TJP1: variants seen among roughly 807,000 people sequenced by gnomAD.
The protein encoded by TJP1 is tight junction protein 1, also known as tight junction protein ZO-1.
Under a neutral mutation model 194.2 loss-of-function variants are expected in TJP1, and 43 were observed. The ratio of observed to expected loss-of-function variants is 0.22; its 90% CI spans 0.17 to 0.29. TJP1 has a LOEUF of 0.29. Ranked by LOEUF, TJP1 falls within the 10% of genes least tolerant of loss-of-function variation. The probability of loss-of-function intolerance (pLI) is 1.00; values close to 1 mark genes in which losing one functional copy is unlikely to be tolerated. For missense variants in TJP1, 1,971 were observed against 2,185.7 expected (o/e 0.90, Z 1.96); for synonymous variants, 801 against 779.0 (o/e 1.03, Z -0.47).
At chr15:29,957,012 A>T (rs540688365) in intron 1 of TJP1, among the ~76,000 whole-genome samples, 1 of 152,312 alleles carries the variant, frequency 6.6e-6, no homozygotes, top group East Asian at 1.9e-4. Flanking sequence ...GCAGTTATTT[A>T]TTCAACACTC....
chr15:29,829,651 AAG>A (rs1320749695), intron 2 of TJP1, among the ~76,000 whole-genome samples: 1 of 151,728 alleles, frequency 6.6e-6, no homozygotes, highest in African/African-American at 2.4e-5. Flanking sequence ...AAAAAAAAAA[AAG>A]ATTTCTTAAA....
chr15:29,879,146 A>T (rs28436762), intron 2 of TJP1, among the ~76,000 whole-genome samples: 122 of 152,196 alleles, frequency 8.0e-4, no homozygotes, highest in African/African-American at 2.6e-3. Context: ...ATAAAAAAAT[A>T]AAAAAAATTA....
intron 8 of TJP1, among the ~76,000 whole-genome samples, chr15:29,748,935 T>TGTGTGTGTGTGTGTGTGTGC (rs2045022365): frequency 2.8e-5 from 1 of 35,862 alleles, no homozygotes; most frequent in Admixed American, 4.2e-4. Context: ...TGTGTGTGTG[T>TGTGTGTGTGTGTGTGTGTGC]GTGTGTGTGT....
intron 23 of TJP1, among the ~76,000 whole-genome samples, chr15:29,715,128 T>C (rs2151083076): frequency 6.6e-6 from 1 of 152,270 alleles, no homozygotes; most frequent in South Asian, 2.1e-4. Context: ...TAATGACAAA[T>C]CCACATCTGT....
intron 2 of TJP1, among the ~76,000 whole-genome samples, chr15:29,832,701 T>C (rs2050875250): frequency 6.6e-6 from 1 of 152,218 alleles, no homozygotes; most frequent in African/African-American, 2.4e-5. Context: ...TATGAAGTAC[T>C]ATCAAACCAA....
At chr15:29,740,128 T>C (rs1056004148) in intron 10 of TJP1, among the ~76,000 whole-genome samples, 22 of 151,784 alleles carry the variant, frequency 1.4e-4, no homozygotes, top group East Asian at 3.9e-4. Flanking sequence ...GCTGGGACTA[T>C]AGGCGCCCAG....
intron 2 of TJP1, among the ~76,000 whole-genome samples, chr15:29,845,670 T>C (rs2051379823): frequency 6.6e-6 from 1 of 151,820 alleles, no homozygotes; most frequent in South Asian, 2.1e-4. Context: ...CCGGGCGTGG[T>C]GGCAGGCGCC....
chr15:29,750,301 C>A (rs1279771200), intron 8 of TJP1, among the ~76,000 whole-genome samples: 1 of 152,038 alleles, frequency 6.6e-6, no homozygotes, highest in Non-Finnish European at 1.5e-5. Context: ...CCACGCCCGG[C>A]CTAATTTTTT....
chr15:29,717,761 GTTTA>G (rs1260095617), intron 22 of TJP1, among the ~76,000 whole-genome samples: 1 of 152,124 alleles, frequency 6.6e-6, no homozygotes, highest in Non-Finnish European at 1.5e-5. Context: ...GCTTAAAAAT[GTTTA>G]TTTAATCATC....
At chr15:29,800,507 A>T (rs1158077053) in intron 2 of TJP1, 139 bp downstream of exon 2, 6 of 728,586 alleles carry the variant, frequency 8.2e-6, no homozygotes, top group Non-Finnish European at 1.4e-5. Flanking sequence ...AAATTATTGT[A>T]ACTCTAATTT....
chr15:29,807,187 G>A (rs2049166830), intron 1 of TJP1, among the ~76,000 whole-genome samples: 1 of 152,250 alleles, frequency 6.6e-6, no homozygotes, highest in East Asian at 1.9e-4. Flanking sequence ...ATATTAGTCG[G>A]AAAGACAGAC....
intron 2 of TJP1, among the ~76,000 whole-genome samples, chr15:29,869,795 C>T (rs28613043): frequency 0.033 from 1,895 of 56,610 alleles, 147 homozygotes; most frequent in Non-Finnish European, 0.048. Context: ...TTCTTTCTTT[C>T]TTTTTTTTTT....
intron 2 of TJP1, among the ~76,000 whole-genome samples, chr15:29,914,980 C>T (rs912562840): frequency 6.6e-6 from 1 of 152,038 alleles, no homozygotes; most frequent in African/African-American, 2.4e-5. Flanking sequence ...TACATATTAC[C>T]GTAACCAACA....
intron 1 of TJP1, among the ~76,000 whole-genome samples, chr15:29,966,219 T>C (rs1254510434): frequency 6.6e-6 from 1 of 152,158 alleles, no homozygotes; most frequent in Admixed American, 6.6e-5. Context: ...ATTTTTAAAC[T>C]GGCCCGCGCG....
intron 2 of TJP1, among the ~76,000 whole-genome samples, chr15:29,870,047 G>A (rs184212900): frequency 1.3e-5 from 2 of 151,656 alleles, no homozygotes; most frequent in East Asian, 1.9e-4. Flanking sequence ...GACTGGTCTC[G>A]AACTCCTGAC....
intron 2 of TJP1, among the ~76,000 whole-genome samples, chr15:29,847,188 A>C (rs1294038704): frequency 6.6e-6 from 1 of 151,902 alleles, no homozygotes; most frequent in Non-Finnish European, 1.5e-5. Flanking sequence ...CTGCAGCCTC[A>C]AACTCCTGGG....
At position 29,708,550 on chromosome 15, in the gene TJP1, A is replaced by G. The variant is rs1308976536; in HGVS notation, c.4850+9T>C. 1 of 1,592,356 alleles carries G rather than the reference A, an allele frequency of 6.3e-7. No individual in the cohort carries two copies. The highest frequency in any genetic ancestry group is 1.3e-5 in the African/African-American group (1 of 74,418). On this transcript the variant is annotated intron_variant, in intron 25 of 27. Coordinates refer to ENST00000614355, the MANE Select transcript of TJP1 (RefSeq NM_001330239.4). ...GGGCCAATGCTTTGAGCAAAGGCAT[A>G]AGTCTTACCTCACAGGAATAGCTTT...
In TJP1 at chr15:29,719,822, T is replaced by G; in HGVS notation, c.2958A>C (p.Leu986=). ...ACGACAATGATGGTTCTTGATCTCT[T>G]AGCATTATGTGAGCTGCCTCAGTAC... The part of the protein sequence containing the change: ...TPSTEAAHIM[L]RDQEPSLSSH... The change falls in exon 20 of 28, where the codon CTA becomes CTC. Residue 986 remains leucine (L), a synonymous_variant. Transcript: ENST00000614355. 1 of 1,614,198 alleles carries G rather than the reference T, an allele frequency of 6.2e-7. No homozygotes were observed. The highest frequency in any genetic ancestry group is 8.5e-7 in the Non-Finnish European group (1 of 1,180,030).
chr15:29,728,719 A>G (rs2043401391), intron 15 of TJP1: 1 of 152,264 alleles, frequency 6.6e-6, no homozygotes, highest in African/African-American at 2.4e-5. Flanking sequence ...AAGGAAAGGA[A>G]GAGCTTTGGT....
Sources: gnomAD v4.1 joint callset for allele counts (sites outside exome capture counted in the v4.1 genomes callset) on GRCh38, gnomAD v4.1.1 for gene constraint, MANE v1.5 for transcripts, NCBI Gene and HGNC (gene_info 2026-07-23, HGNC 2026-07-21) for gene names.